The following ZNF589 variants were observed in gnomAD, a reference collection of about 807,000 sequenced individuals.
The protein encoded by ZNF589 is zinc finger protein 589, also known as KRAB-zinc finger protein SZF1-1.
ZNF589 carries 17 observed loss-of-function variants against 13.6 expected under a neutral mutation model. The ratio of observed to expected loss-of-function variants is 1.25; its 90% CI spans 0.86 to 1.88. ZNF589 has a LOEUF of 1.88. Among genes scored for constraint, ZNF589 ranks in the 40% most tolerant of loss-of-function variants. The probability of loss-of-function intolerance (pLI) is 0.00; values close to 1 mark genes in which losing one functional copy is unlikely to be tolerated. For synonymous variants in ZNF589, 148 were observed against 161.6 expected (o/e 0.92, Z 0.64); for missense variants, 407 against 434.0 (o/e 0.94, Z 0.55).
chr3:48,246,396 T>C (rs2033766042), intron 1 of ZNF589, among the ~76,000 whole-genome samples: 1 of 152,214 alleles, frequency 6.6e-6, no homozygotes, highest in Non-Finnish European at 1.5e-5. Context: ...GTAATGGTCT[T>C]TAATACTTTT....
intron 2 of ZNF589, among the ~76,000 whole-genome samples, chr3:48,258,565 A>G (rs983203156): frequency 2.0e-5 from 3 of 152,210 alleles, no homozygotes; most frequent in Non-Finnish European, 4.4e-5. Context: ...TTGAGAACCA[A>G]AAATTATTTA....
At chr3:48,249,810 A>ATTTTT (rs1244197360) in intron 2 of ZNF589, among the ~76,000 whole-genome samples, 1 of 152,196 alleles carries the variant, frequency 6.6e-6, no homozygotes, top group Non-Finnish European at 1.5e-5. Context: ...AACATCCAAA[A>ATTTTT]GCCTCTTTTC....
chr3:48,248,608 G>A (rs1027850185), intron 2 of ZNF589, among the ~76,000 whole-genome samples: 1 of 152,184 alleles, frequency 6.6e-6, no homozygotes, highest in African/African-American at 2.4e-5. Context: ...GCACAGGACT[G>A]TGTGAGATTC....
intron 3 of ZNF589, 126 bp from the exon 4 acceptor site, chr3:48,267,789 C>T (rs1448278705): frequency 1.1e-6 from 1 of 942,564 alleles, no homozygotes; most frequent in African/African-American, 1.7e-5. Context: ...ATAGGTCCTG[C>T]ACAGCACATC....
Position 48,269,081 on chromosome 3 carries a change from AG to A in ZNF589, c.*297del. 2 of 656,660 alleles carry A rather than the reference AG, an allele frequency of 3.0e-6. No homozygotes were observed. The highest frequency in any genetic ancestry group is 5.3e-6 in the Non-Finnish European group (2 of 376,016). 40.7% of individuals were successfully genotyped at this position (656,660 alleles called of 1,614,324 possible). A position where few individuals can be genotyped will look rare whatever the true frequency, so the allele number is the denominator to read the frequency against. ...GAGGATAGTCCTCAATGGACACTGG[AG>A]GACACACACGGGAGAGAAGCCTTAC... On this transcript the variant is annotated 3_prime_UTR_variant, in exon 4 of 4. Coordinates refer to ENST00000354698, the MANE Select transcript of ZNF589 (RefSeq NM_016089.3).
chr3:48,268,064 G>T lies in ZNF589; in HGVS notation c.373G>T (p.Asp125Tyr), dbSNP rs1357187165. The change falls in exon 4 of 4, where the codon GAT becomes TAT. Residue 125 changes from aspartate (D) to tyrosine (Y), a missense_variant. Coordinates refer to ENST00000354698, the MANE Select transcript of ZNF589 (RefSeq NM_016089.3). ...CCACCCAGGAAATCCCTGCCCAGAGGATCAGCCACAGTCACAACATCCTTC... is the reference window on the plus strand; with the variant it reads ...CCACCCAGGAAATCCCTGCCCAGAGTATCAGCCACAGTCACAACATCCTTC... The part of the protein sequence containing the change: ...QLHPGNPCPE[D>Y]QPQSQHPSDK... 1 of 1,614,196 alleles carries T rather than the reference G, an allele frequency of 6.2e-7. No homozygotes were observed. Among genetic ancestry groups the T allele is most frequent in the Non-Finnish European group, 8.5e-7 (1 of 1,180,048 alleles).
intron 2 of ZNF589, among the ~76,000 whole-genome samples, chr3:48,258,835 T>G (rs1233711363): frequency 6.6e-6 from 1 of 152,208 alleles, no homozygotes; most frequent in Non-Finnish European, 1.5e-5. Flanking sequence ...CTCCATAGAT[T>G]GGGCTCCTAC....
chr3:48,241,237 C>A (rs774189944), intron 1 of ZNF589, 23 bp downstream of exon 1: 1 of 1,608,844 alleles, frequency 6.2e-7, no homozygotes, highest in East Asian at 2.2e-5. Context: ...CGCGAGATCG[C>A]CTCCCCCATT....
At chr3:48,267,766 G>A (rs2034035329) in intron 3 of ZNF589, 149 bp from the exon 4 acceptor site, 11 of 696,390 alleles carry the variant, frequency 1.6e-5, no homozygotes, top group African/African-American at 3.7e-5. Context: ...GTTTGAAGAG[G>A]TTGAATGAAA....
Position 48,245,500 on chromosome 3 carries a change from C to G in ZNF589, c.44-2125C>G, listed in dbSNP as rs143564236. 8.5e-5 allele frequency among the ~76,000 whole-genome samples: 13 copies of G among 152,298 alleles called. No individual in the cohort carries two copies. The East Asian group carries it at 2.5e-3, about 29-fold the overall frequency. On this transcript the variant is annotated intron_variant, in intron 1 of 3. Coordinates refer to ENST00000354698, the MANE Select transcript of ZNF589 (RefSeq NM_016089.3). ...TTCAGACTGCTGCTAAGACCCTCGT[C>G]CCCCTGAGAGGCACTCCCTTCCCCA...
In ZNF589 at chr3:48,251,859, G is replaced by A. The variant is rs111906950; in HGVS notation, c.96+4182G>A. Among the ~76,000 whole-genome samples the A allele has an allele frequency of 2.1e-3, 325 of 151,986 alleles. 3 individuals carry two copies. Among genetic ancestry groups the A allele is most frequent in the African/African-American group, 7.1e-3 (293 of 41,466 alleles). The stretch of plus-strand genomic sequence containing the variant: ...GGAGTTCGAGACCAGCCTGGGCAAC[G>A]TGGCGAAACCTCATCTTTACGAAAA... On this transcript the variant is annotated intron_variant, in intron 2 of 3. Transcript: ENST00000354698.
chr3:48,256,907 C>T (rs1207203970), intron 2 of ZNF589: 6 of 748,600 alleles, frequency 8.0e-6, no homozygotes, highest in South Asian at 1.5e-5. Flanking sequence ...AAGCTGCCCA[C>T]AGCCAGACAC....
At chr3:48,254,651 T>G (rs1350296339) in intron 2 of ZNF589, among the ~76,000 whole-genome samples, 1 of 152,212 alleles carries the variant, frequency 6.6e-6, no homozygotes, top group African/African-American at 2.4e-5. Flanking sequence ...CATCATTGTT[T>G]GTAGTTTTTC....
At chr3:48,244,316 C>CTAAAACTT (rs1433558115) in intron 1 of ZNF589, among the ~76,000 whole-genome samples, 4 of 151,964 alleles carry the variant, frequency 2.6e-5, no homozygotes, top group Non-Finnish European at 5.9e-5. Flanking sequence ...TTTTCTTCTT[C>CTAAAACTT]TAAAACTTTA....
At chr3:48,265,599 A>T (rs2034011870) in intron 3 of ZNF589, among the ~76,000 whole-genome samples, 1 of 151,818 alleles carries the variant, frequency 6.6e-6, no homozygotes, top group African/African-American at 2.4e-5. Context: ...AAGAATTTTA[A>T]CCAAATGTGT....
At chr3:48,257,647 A>G (rs2033921215) in intron 2 of ZNF589, among the ~76,000 whole-genome samples, 1 of 152,110 alleles carries the variant, frequency 6.6e-6, no homozygotes, top group Non-Finnish European at 1.5e-5. Context: ...GCCAAGCACT[A>G]GGTCCCAATA....
chr3:48,241,747 G>A (rs2033701232), intron 1 of ZNF589, among the ~76,000 whole-genome samples: 1 of 152,118 alleles, frequency 6.6e-6, no homozygotes. Flanking sequence ...GGCCAGGCTG[G>A]TTTTGAACTC....
intron 3 of ZNF589, 119 bp downstream of exon 3, chr3:48,261,058 C>T (rs1575295026): frequency 8.7e-7 from 1 of 1,153,152 alleles, no homozygotes; most frequent in East Asian, 2.6e-5. Context: ...TAAAGCATTT[C>T]TTCTCTCGTG....
intron 2 of ZNF589, chr3:48,256,483 G>A: frequency 1.7e-6 from 1 of 592,314 alleles, no homozygotes; most frequent in East Asian, 3.5e-5. Context: ...GACCCCAGTG[G>A]GTCAGGTACT....
Sources: allele counts gnomAD v4.1 joint callset (sites outside exome capture counted in the v4.1 genomes callset), GRCh38; gene constraint gnomAD v4.1.1; transcripts MANE v1.5; gene names NCBI Gene and HGNC (gene_info 2026-07-23, HGNC 2026-07-21).